Variants in CSGALNACT1 observed in about 807,000 individuals in gnomAD.
The protein encoded by CSGALNACT1 is chondroitin sulfate N-acetylgalactosaminyltransferase 1.
Under a neutral mutation model 51.0 loss-of-function variants are expected in CSGALNACT1, and 52 were observed. That is an observed-to-expected ratio of 1.02 (90% CI 0.82 to 1.29). The LOEUF is 1.29. CSGALNACT1 is among the 50% of genes most tolerant of loss of function. The probability of loss-of-function intolerance (pLI) is 0.00; values close to 1 mark genes in which losing one functional copy is unlikely to be tolerated. For missense variants in CSGALNACT1, 935 were observed against 679.2 expected, an observed-to-expected ratio of 1.38 and a Z score of -4.19; for synonymous variants, 341 against 254.4, an observed-to-expected ratio of 1.34 and a Z score of -3.24.
chr8:19,498,641 T>C (rs2075887218), intron 4 of CSGALNACT1, among the ~76,000 whole-genome samples: 2 of 152,058 alleles, frequency 1.3e-5, no homozygotes, highest in South Asian at 4.1e-4. Context: ...ACAGAACACA[T>C]GTCCTTCCAA....
chr8:19,457,599 T>TAAG lies in CSGALNACT1; in HGVS notation c.851+824_851+826dup, dbSNP rs1324317004. 3 of 1,122,024 alleles carry TAAG rather than the reference T, an allele frequency of 2.7e-6. No homozygotes were observed. The African/African-American group carries it at 4.8e-5, about 18-fold the overall frequency. The allele number at this position is 1,122,024 out of a possible 1,614,324, so 69.5% of individuals were successfully genotyped here. On this transcript the variant is annotated intron_variant, in intron 5 of 9. Transcript: ENST00000454498. ...CTGCACTCCAGCCTGGGTGACAGAG[T>TAAG]AAGACTCCATCTCAAAAAAAAAGAA...
At chr8:19,656,844 G>A (rs1289753685) in intron 1 of CSGALNACT1, among the ~76,000 whole-genome samples, 1 of 152,024 alleles carries the variant, frequency 6.6e-6, no homozygotes, top group African/African-American at 2.4e-5. Context: ...AAGGCGCGTG[G>A]ATCACAAGGT....
chr8:19,717,084 AATGC>A (rs748202005), intron 1 of CSGALNACT1, among the ~76,000 whole-genome samples: 23 of 152,228 alleles, frequency 1.5e-4, no homozygotes, highest in Admixed American at 3.3e-4. Flanking sequence ...TAAATGAGAT[AATGC>A]ATGTGATAAG....
intron 6 of CSGALNACT1, among the ~76,000 whole-genome samples, chr8:19,435,141 T>C (rs1369806720): frequency 6.6e-6 from 1 of 152,180 alleles, no homozygotes; most frequent in Admixed American, 6.5e-5. Context: ...GATGAACTTG[T>C]AATGTAGTAA....
intron 4 of CSGALNACT1, among the ~76,000 whole-genome samples, chr8:19,459,962 C>A (rs2065011985): frequency 6.6e-6 from 1 of 152,148 alleles, no homozygotes; most frequent in Non-Finnish European, 1.5e-5. Context: ...ATCTCAGCTG[C>A]CCTCTCAGAA....
At chr8:19,645,238 A>G (rs1231225541) in intron 1 of CSGALNACT1, among the ~76,000 whole-genome samples, 2 of 152,262 alleles carry the variant, frequency 1.3e-5, no homozygotes, top group Non-Finnish European at 2.9e-5. Context: ...TAATAAGTCA[A>G]ACAGGGAAAA....
At chr8:19,446,353 G>T (rs1183042533) in intron 5 of CSGALNACT1, among the ~76,000 whole-genome samples, 5 of 152,066 alleles carry the variant, frequency 3.3e-5, no homozygotes, top group African/African-American at 4.8e-5. Context: ...TGGTAAAATT[G>T]TCTACGAAGC....
At chr8:19,589,978 T>C (rs753491179) in intron 3 of CSGALNACT1, among the ~76,000 whole-genome samples, 8 of 152,208 alleles carry the variant, frequency 5.3e-5, no homozygotes, top group Non-Finnish European at 1.2e-4. Flanking sequence ...GCAGACATGA[T>C]GCAATACTGC....
chr8:19,563,799 A>G (rs1453360581), intron 3 of CSGALNACT1, among the ~76,000 whole-genome samples: 1 of 152,122 alleles, frequency 6.6e-6, no homozygotes, highest in Non-Finnish European at 1.5e-5. Flanking sequence ...ACTAACTCCC[A>G]GCGACTCATA....
chr8:19,523,431 AT>A (rs573069366), intron 3 of CSGALNACT1, among the ~76,000 whole-genome samples: 57 of 146,672 alleles, frequency 3.9e-4, no homozygotes, highest in Admixed American at 5.4e-4. Flanking sequence ...TGCCCAGCTA[AT>A]TTTTTTTTTT....
At chr8:19,631,233 T>A (rs1402483106) in intron 1 of CSGALNACT1, among the ~76,000 whole-genome samples, 1 of 152,190 alleles carries the variant, frequency 6.6e-6, no homozygotes, top group Non-Finnish European at 1.5e-5. Flanking sequence ...GATTGCTCGC[T>A]TATATGCTAA....
chr8:19,440,992 C>G (rs916170934), intron 5 of CSGALNACT1, among the ~76,000 whole-genome samples: 1 of 152,108 alleles, frequency 6.6e-6, no homozygotes, highest in Non-Finnish European at 1.5e-5. Flanking sequence ...AATAAAATAC[C>G]TAGGAATCCA....
intron 8 of CSGALNACT1, among the ~76,000 whole-genome samples, chr8:19,410,164 C>G (rs2055344268): frequency 6.6e-6 from 1 of 152,218 alleles, no homozygotes; most frequent in African/African-American, 2.4e-5. Flanking sequence ...AGCATCAGGA[C>G]TGCTCAAGGA....
At chr8:19,655,991 T>C (rs575415652) in intron 1 of CSGALNACT1, among the ~76,000 whole-genome samples, 26 of 152,206 alleles carry the variant, frequency 1.7e-4, no homozygotes, top group African/African-American at 6.3e-4. Flanking sequence ...GGATAGAGTA[T>C]TTCAGTTAAA....
At chr8:19,618,757 A>G (rs2053421644) in intron 1 of CSGALNACT1, among the ~76,000 whole-genome samples, 1 of 151,708 alleles carries the variant, frequency 6.6e-6, no homozygotes, top group African/African-American at 2.4e-5. Flanking sequence ...CAGACGGGGG[A>G]CATGACTCTC....
intron 3 of CSGALNACT1, among the ~76,000 whole-genome samples, chr8:19,566,036 T>C (rs765751504): frequency 6.6e-6 from 1 of 152,242 alleles, no homozygotes. Context: ...GGATGGCTGG[T>C]GGCCTCGAAA....
intron 1 of CSGALNACT1, among the ~76,000 whole-genome samples, chr8:19,677,517 T>C (rs2060283873): frequency 6.6e-6 from 1 of 152,154 alleles, no homozygotes; most frequent in Non-Finnish European, 1.5e-5. Flanking sequence ...ATTAGAACAA[T>C]GACCTTCAGT....
intron 3 of CSGALNACT1, among the ~76,000 whole-genome samples, chr8:19,525,173 C>T (rs548928176): frequency 2.0e-5 from 3 of 152,314 alleles, no homozygotes; most frequent in East Asian, 3.9e-4. Context: ...CCAGGGCAAT[C>T]CCTGTTGCCA....
intron 1 of CSGALNACT1, among the ~76,000 whole-genome samples, chr8:19,625,167 T>C (rs1383327888): frequency 6.6e-6 from 1 of 152,144 alleles, no homozygotes; most frequent in Non-Finnish European, 1.5e-5. Context: ...CTGTAAAGTA[T>C]AGTCTTCCCA....
Sources: gnomAD v4.1 joint callset for allele counts (sites outside exome capture counted in the v4.1 genomes callset) on GRCh38, gnomAD v4.1.1 for gene constraint, MANE v1.5 for transcripts, NCBI Gene and HGNC (gene_info 2026-07-23, HGNC 2026-07-21) for gene names.